C2orf74: variants seen among roughly 807,000 people sequenced by gnomAD.
C2orf74 encodes the protein uncharacterized protein C2orf74.
C2orf74 carries 14 observed loss-of-function variants against 17.9 expected under a neutral mutation model. The observed-to-expected ratio is 0.78, with a 90% confidence interval of 0.52 to 1.22. The LOEUF (loss-of-function observed/expected upper bound fraction) is 1.22. Among genes scored for constraint, C2orf74 ranks in the 50% most tolerant of loss-of-function variants. The pLI is 0.00. For missense variants in C2orf74, 217 were observed against 218.4 expected, an observed-to-expected ratio of 0.99 and a Z score of 0.04; for synonymous variants, 79 against 72.6, an observed-to-expected ratio of 1.09 and a Z score of -0.44.
chr2:61,155,938 C>T lies in C2orf74; in HGVS notation c.-121-6904C>T, dbSNP rs1685379082. On this transcript the variant is annotated intron_variant, in intron 1 of 3. Transcript: ENST00000426997. ...ATAAGGCTGGGCGTGGTGGTTCATG[C>T]CTGTAATCCCAGCACTTTAGGAGGC... Among the ~76,000 whole-genome samples, 4 of 152,034 alleles carry T rather than the reference C, an allele frequency of 2.6e-5. No individual in the cohort carries two copies. In the South Asian group the frequency reaches 8.3e-4, roughly 32 times the overall value.
intron 1 of C2orf74, among the ~76,000 whole-genome samples, chr2:61,154,902 A>G (rs1685348600): frequency 6.6e-6 from 1 of 151,774 alleles, no homozygotes; most frequent in African/African-American, 2.4e-5. Context: ...TTAAAAAAAA[A>G]AAAAATACAA....
intron 1 of C2orf74, among the ~76,000 whole-genome samples, chr2:61,150,368 A>C (rs1685189697): frequency 6.6e-6 from 1 of 152,114 alleles, no homozygotes; most frequent in Admixed American, 6.5e-5. Flanking sequence ...TTACTGTATA[A>C]ACTCCCCTTC....
At chr2:61,157,028 T>G (rs1010378583) in intron 1 of C2orf74, among the ~76,000 whole-genome samples, 2 of 152,134 alleles carry the variant, frequency 1.3e-5, no homozygotes, top group African/African-American at 4.8e-5. Flanking sequence ...AATATTTGAT[T>G]GATTGATTGA....
intron 1 of C2orf74, among the ~76,000 whole-genome samples, chr2:61,145,676 G>C (rs1023072635): frequency 6.6e-6 from 1 of 152,280 alleles, no homozygotes; most frequent in East Asian, 1.9e-4. Context: ...GCCTGCCTCA[G>C]ACTCCCAAAG....
chr2:61,157,044 C>T (rs995782739), intron 1 of C2orf74, among the ~76,000 whole-genome samples: 5 of 152,176 alleles, frequency 3.3e-5, no homozygotes, highest in East Asian at 3.9e-4. Context: ...ATTGACTGAT[C>T]GATTGATTTG....
intron 1 of C2orf74, among the ~76,000 whole-genome samples, chr2:61,157,088 T>G (rs973339009): frequency 5.9e-5 from 9 of 152,170 alleles, no homozygotes; most frequent in Non-Finnish European, 1.2e-4. Flanking sequence ...CAGGCTGGAG[T>G]GCAGTGGCGC....
intron 2 of C2orf74, 110 bp downstream of exon 2, chr2:61,162,719 T>A: frequency 9.4e-7 from 1 of 1,067,194 alleles, no homozygotes; most frequent in Non-Finnish European, 1.4e-6. Flanking sequence ...ACCATAATTA[T>A]CTACTTTTCC....
chr2:61,158,064 C>T (rs1685448331), upstream of C2orf74: 1 of 464,972 alleles, frequency 2.2e-6, no homozygotes, highest in African/African-American at 2.0e-5. Context: ...CAATATCTGA[C>T]CCCAACATGG....
intron 1 of C2orf74, among the ~76,000 whole-genome samples, chr2:61,153,824 G>A (rs1415268620): frequency 1.1e-4 from 17 of 151,734 alleles, no homozygotes; most frequent in African/African-American, 4.1e-4. Flanking sequence ...GGGAGGCAGA[G>A]GTTGCAGTGA....
Position 61,162,937 on chromosome 2 carries a change from A to G in C2orf74, c.191A>G (p.Asn64Ser), listed in dbSNP as rs1050411412. 6.4e-6 allele frequency: 10 copies of G among 1,552,592 alleles called. No homozygotes were observed. Among genetic ancestry groups the G allele is most frequent in the Non-Finnish European group, 8.7e-6 (10 of 1,147,156 alleles). ...GCAGCTGCCAAAGTGGTGACAAGCA[A>G]TCCAGAGGACCATGAAAGGCGAGTG... is the stretch of plus-strand genomic sequence containing the variant. The part of the protein sequence containing the change: ...DCAAAKVVTS[N>S]PEDHERILMQ... Residue 64 changes from asparagine (N) to serine (S), a missense_variant, in exon 3 of 5, where the codon AAT becomes AGT. Transcript: ENST00000432605.
chr2:61,150,902 G>C (rs905931112), intron 1 of C2orf74, among the ~76,000 whole-genome samples: 6 of 152,274 alleles, frequency 3.9e-5, no homozygotes, highest in African/African-American at 1.4e-4. Flanking sequence ...TGGCCAGATG[G>C]AGTAGACTTG....
At chr2:61,156,368 T>A (rs184533300) in intron 1 of C2orf74, among the ~76,000 whole-genome samples, 1 of 151,866 alleles carries the variant, frequency 6.6e-6, no homozygotes, top group African/African-American at 2.4e-5. Flanking sequence ...CAAAACTCTG[T>A]CTCTTTTAAA....
intron 1 of C2orf74, among the ~76,000 whole-genome samples, chr2:61,155,682 G>A (rs1196524253): frequency 2.0e-5 from 3 of 151,926 alleles, no homozygotes; most frequent in South Asian, 2.1e-4. Context: ...CACCATGCCC[G>A]GCTGATTTTT....
intron 1 of C2orf74, chr2:61,145,319 G>C (rs1415515269): frequency 6.6e-6 from 1 of 152,276 alleles, no homozygotes; most frequent in Non-Finnish European, 1.5e-5. Context: ...CAGTGCATTA[G>C]ACAAATGGGC....
rs558995520 is a variant in C2orf74, at chr2:61,152,888, G to C, written c.-122+7692G>C. Among the ~76,000 whole-genome samples the C allele has an allele frequency of 5.7e-4, 85 of 149,520 alleles. 1 individual carries two copies. The highest frequency in any genetic ancestry group is 2.0e-3 in the African/African-American group (82 of 40,678). On this transcript the variant is annotated intron_variant, in intron 1 of 3. Coordinates refer to the C2orf74 transcript ENST00000426997. Reference sequence around the variant, plus strand: ...AAAAAAAAGCCAGGCGCGCGCGGTGGCTCGCGCCTGTAATCCCAGTACTTT... The same window carrying C: ...AAAAAAAAGCCAGGCGCGCGCGGTGCCTCGCGCCTGTAATCCCAGTACTTT...
At chr2:61,152,218 C>T (rs903319729) in intron 1 of C2orf74, 1 of 152,410 alleles carries the variant, frequency 6.6e-6, no homozygotes, top group South Asian at 2.1e-4. Context: ...CTTAAAGCTA[C>T]CTGGTAACCT....
intron 1 of C2orf74, among the ~76,000 whole-genome samples, chr2:61,148,548 G>A (rs904093910): frequency 6.6e-6 from 1 of 152,154 alleles, no homozygotes; most frequent in Non-Finnish European, 1.5e-5. Flanking sequence ...ATAGAGGATA[G>A]TTTTTTAACT....
At position 61,164,403 on chromosome 2, in the gene C2orf74, T is replaced by C. The variant is rs1314298491; in HGVS notation, c.440T>C (p.Val147Ala). 16 of 1,550,400 alleles carry C rather than the reference T, an allele frequency of 1.0e-5. No homozygotes were observed. The highest frequency in any genetic ancestry group is 1.4e-5 in the Non-Finnish European group (16 of 1,146,610). ...IHTSVTRTPS[V>A]VESQKRPLKG... Reference sequence around the variant, plus strand: ...ACATCTGTCACTAGAACTCCTTCAGTTGTTGAAAGCCAAAAAAGACCTTTA... The same window carrying C: ...ACATCTGTCACTAGAACTCCTTCAGCTGTTGAAAGCCAAAAAAGACCTTTA... Residue 147 changes from valine to alanine, a missense_variant, in exon 5 of 5, where the codon GTT becomes GCT. Transcript: ENST00000432605.
At position 61,163,114 on chromosome 2, in the gene C2orf74, A is replaced by G. The variant is rs1685617120; in HGVS notation, c.272A>G (p.Gln91Arg). Reference sequence around the variant, plus strand: ...AGGCCTGGCATTCTTGTCCAGAGACAGAGTAAGGAAGTGTTGGCCACACCC... The same window carrying G: ...AGGCCTGGCATTCTTGTCCAGAGACGGAGTAAGGAAGTGTTGGCCACACCC... ...PMRPGILVQR[Q>R]SKEVLATPLE... The change falls in exon 4 of 5, where the codon CAG becomes CGG. Residue 91 changes from glutamine to arginine, a missense_variant. Transcript: ENST00000432605. 6.4e-7 allele frequency: 1 copy of G among 1,552,222 alleles called. No individual in the cohort carries two copies. Among genetic ancestry groups the G allele is most frequent in the Non-Finnish European group, 8.7e-7 (1 of 1,147,072 alleles).
Sources: gnomAD v4.1 joint callset for allele counts (sites outside exome capture counted in the v4.1 genomes callset) on GRCh38, gnomAD v4.1.1 for gene constraint, MANE v1.5 for transcripts, NCBI Gene and HGNC (gene_info 2026-07-23, HGNC 2026-07-21) for gene names.